Variants in PARVG observed in about 807,000 individuals in gnomAD.
PARVG encodes the protein gamma-parvin.
In PARVG, 36 loss-of-function variants were observed where a neutral mutation model predicts 44.4. The ratio of observed to expected loss-of-function variants is 0.81; its 90% CI spans 0.62 to 1.07. The LOEUF (loss-of-function observed/expected upper bound fraction) is 1.07. Among genes scored for constraint, PARVG ranks in the 50% least tolerant of loss-of-function variants. The pLI, the probability that PARVG is intolerant of heterozygous loss-of-function variation, is 0.00. For synonymous variants in PARVG, 170 were observed against 174.1 expected, an observed-to-expected ratio of 0.98 and a Z score of 0.19; for missense variants, 407 against 407.4, an observed-to-expected ratio of 1.00 and a Z score of 0.01.
At chr22:44,188,326 G>C in intron 5 of PARVG, 1 of 188,472 alleles carries the variant, frequency 5.3e-6, no homozygotes, top group Middle Eastern at 2.5e-3. Flanking sequence ...CTTTGCAGGG[G>C]ATGTGCATTC....
At chr22:44,202,459 C>T (rs957445733) in intron 12 of PARVG, among the ~76,000 whole-genome samples, 3 of 152,210 alleles carry the variant, frequency 2.0e-5, no homozygotes, top group African/African-American at 7.2e-5. Flanking sequence ...ATCCAAGCCC[C>T]AGTTACAAGA....
intron 8 of PARVG, among the ~76,000 whole-genome samples, chr22:44,193,377 G>A (rs190368759): frequency 1.8e-4 from 28 of 152,322 alleles, no homozygotes; most frequent in Admixed American, 1.4e-3. Flanking sequence ...TGTGGTCAGC[G>A]TAGGGAGGGA....
At chr22:44,199,561 G>A (rs1211404234) in intron 12 of PARVG, among the ~76,000 whole-genome samples, 1 of 152,198 alleles carries the variant, frequency 6.6e-6, no homozygotes, top group Non-Finnish European at 1.5e-5. Context: ...CTCTCAGTCT[G>A]TGCCCACTGT....
intron 8 of PARVG, among the ~76,000 whole-genome samples, chr22:44,193,117 G>A (rs2054571750): frequency 1.3e-5 from 2 of 152,186 alleles, no homozygotes; most frequent in South Asian, 2.1e-4. Flanking sequence ...TCTGCCCCGT[G>A]GGCCCCAGCT....
upstream of PARVG, among the ~76,000 whole-genome samples, chr22:44,179,093 A>T (rs878406): frequency 0.1 from 15,701 of 151,666 alleles, 1,607 homozygotes; most frequent in African/African-American, 0.25. This position sits in a 1 kb window ranked among gnomAD's most constrained non-coding sequence, Gnocchi z 4.2. Context: ...AGTGTTTGGC[A>T]TATTTGCACA....
At chr22:44,198,780 A>G in intron 12 of PARVG, 58 bp downstream of exon 12, 1 of 1,325,082 alleles carries the variant, frequency 7.5e-7, no homozygotes, top group Admixed American at 1.7e-5. Flanking sequence ...GATATACAGA[A>G]CTGGCATGAC....
At chr22:44,198,523 A>C in intron 11 of PARVG, 98 bp from the exon 12 acceptor site, 1 of 868,642 alleles carries the variant, frequency 1.2e-6, no homozygotes, top group Non-Finnish European at 1.9e-6. Flanking sequence ...GGCTCAGAGA[A>C]GTTGTATGAC....
In PARVG at chr22:44,183,020, G is replaced by C; in HGVS notation, c.-12-298G>C. 1.2e-5 allele frequency: 5 copies of C among 404,460 alleles called. No homozygotes were observed. In the South Asian group the frequency reaches 1.5e-4, roughly 12 times the overall value. 25.1% of individuals were successfully genotyped at this position (404,460 alleles called of 1,614,324 possible). A position where few individuals can be genotyped will look rare whatever the true frequency, so the allele number is the denominator to read the frequency against. The stretch of plus-strand genomic sequence containing the variant: ...GGGTAGGGGGCTGGGGGCTGCAGGA[G>C]CACGGTGGGCGGCCGCTCTGCACCT... On this transcript the variant is annotated intron_variant, in intron 2 of 13. Coordinates refer to ENST00000444313, the MANE Select transcript of PARVG (RefSeq NM_022141.7).
chr22:44,203,542 G>C (rs1004860045), intron 12 of PARVG, among the ~76,000 whole-genome samples: 8 of 152,202 alleles, frequency 5.3e-5, no homozygotes, highest in Admixed American at 2.6e-4. Flanking sequence ...ATGTATCAAA[G>C]GCGGAGCTTT....
intron 8 of PARVG, among the ~76,000 whole-genome samples, chr22:44,192,651 A>T (rs924400165): frequency 7.7e-6 from 1 of 129,122 alleles, no homozygotes; most frequent in Non-Finnish European, 1.6e-5. Context: ...CCCACTGGGC[A>T]TGGCCACCTG....
chr22:44,204,905 G>A (rs778131369), intron 12 of PARVG, among the ~76,000 whole-genome samples: 30 of 152,204 alleles, frequency 2.0e-4, no homozygotes, highest in Non-Finnish European at 4.1e-4. Flanking sequence ...GCCCAAGGGA[G>A]AAGCTAGAAT....
chr22:44,192,273 C>A, intron 8 of PARVG, 169 bp downstream of exon 8: 1 of 702,088 alleles, frequency 1.4e-6, no homozygotes, highest in Non-Finnish European at 2.3e-6. Flanking sequence ...CCCACGGCAG[C>A]ACACAGGACC....
At chr22:44,196,867 C>T (rs1350309221) in intron 11 of PARVG, among the ~76,000 whole-genome samples, 1 of 152,084 alleles carries the variant, frequency 6.6e-6, no homozygotes, top group Non-Finnish European at 1.5e-5. Flanking sequence ...CCCAGCCCCT[C>T]CCCCGGCTGA....
Position 44,196,397 on chromosome 22 carries a change from G to A in PARVG, c.693G>A (p.Val231=). The change falls in exon 11 of 14, where the codon GTG becomes GTA. Residue 231 remains valine, a synonymous_variant. Coordinates refer to ENST00000444313, the MANE Select transcript of PARVG (RefSeq NM_022141.7). ...NQKLDRLGLS[V]QNLDTQFADG... Reference sequence around the variant, plus strand: ...AGCTGGACCGCCTGGGCCTGTCTGTGCAGAATCTGGACACCCAGGTAGGGA... The same window carrying A: ...AGCTGGACCGCCTGGGCCTGTCTGTACAGAATCTGGACACCCAGGTAGGGA... 2 of 1,614,214 alleles carry A rather than the reference G, an allele frequency of 1.2e-6. No homozygotes were observed. The highest frequency in any genetic ancestry group is 1.7e-6 in the Non-Finnish European group (2 of 1,180,048).
At chr22:44,177,661 C>T (rs1239869076), upstream of PARVG, among the ~76,000 whole-genome samples, 1 of 152,074 alleles carries the variant, frequency 6.6e-6, no homozygotes, top group African/African-American at 2.4e-5. Context: ...GTGATGTGTT[C>T]CTCTCAGCGC....
intron 1 of PARVG, chr22:44,173,205 G>A: frequency 8.1e-7 from 1 of 1,235,784 alleles, no homozygotes; most frequent in Non-Finnish European, 1.0e-6. Flanking sequence ...AGTAATAAAG[G>A]CTCATCTGCC....
intron 5 of PARVG, chr22:44,188,821 G>C (rs1352590484): frequency 4.4e-6 from 2 of 450,568 alleles, no homozygotes; most frequent in Admixed American, 3.4e-5. Flanking sequence ...TGCAGGCACA[G>C]GCTGATCAAG....
chr22:44,197,122 C>CT (rs2054629326), intron 11 of PARVG, among the ~76,000 whole-genome samples: 1 of 152,212 alleles, frequency 6.6e-6, no homozygotes, highest in Admixed American at 6.5e-5. Flanking sequence ...CTGCTGGGTG[C>CT]TGGGGTCTGG....
chr22:44,196,411 C>G lies in PARVG; in HGVS notation c.707C>G (p.Thr236Ser), dbSNP rs769792681. ...RLGLSVQNLD[T>S]QFADGVILLL... is the part of the protein sequence containing the mutation. ...GGCCTGTCTGTGCAGAATCTGGACA[C>G]CCAGGTAGGGACTGAGCTGCGGCGT... Residue 236 changes from threonine to serine, a missense_variant, in exon 11 of 14, where the codon ACC becomes AGC. Transcript: ENST00000444313. 1.2e-5 allele frequency: 19 copies of G among 1,614,168 alleles called. No individual in the cohort carries two copies. Among genetic ancestry groups the G allele is most frequent in the Non-Finnish European group, 1.6e-5 (19 of 1,180,032 alleles).
Sources: gnomAD v4.1 joint callset for allele counts (sites outside exome capture counted in the v4.1 genomes callset) on GRCh38, gnomAD v4.1.1 for gene constraint, Gnocchi (gnomAD v3.1) non-coding constraint, MANE v1.5 for transcripts, NCBI Gene and HGNC (gene_info 2026-07-23, HGNC 2026-07-21) for gene names.